The following GPR84 variants were observed in gnomAD, a reference collection of about 807,000 sequenced individuals.
GPR84 encodes G protein-coupled receptor 84.
A neutral mutation model predicts 14.9 loss-of-function variants in GPR84; 8 were observed. That is an observed-to-expected ratio of 0.54 (90% CI 0.31 to 0.97). The LOEUF (loss-of-function observed/expected upper bound fraction) is 0.97, where lower values mean the gene tolerates loss of function less well. Among genes scored for constraint, GPR84 ranks in the 50% least tolerant of loss-of-function variants. GPR84 has a pLI of 0.04. For missense variants in GPR84, 424 were observed against 498.7 expected, an observed-to-expected ratio of 0.85 and a Z score of 1.43; for synonymous variants, 164 against 198.1, an observed-to-expected ratio of 0.83 and a Z score of 1.45.
chr12:54,361,050 C>CTT (rs1449010396), downstream of GPR84, among the ~76,000 whole-genome samples: 7 of 152,138 alleles, frequency 4.6e-5, no homozygotes. The surrounding 1 kb of genome is among the most constrained non-coding windows in gnomAD (Gnocchi z 4.3). Context: ...GCCACAGGTG[C>CTT]TTTAAGGATG....
chr12:54,357,093 G>C, the GPR84 span, among the ~76,000 whole-genome samples: 3 of 152,086 alleles, frequency 2.0e-5, no homozygotes, highest in Non-Finnish European at 2.9e-5. Flanking sequence ...TGAGTGTCTG[G>C]GTACTTAGCT....
At chr12:54,356,055 A>G in the GPR84 span, among the ~76,000 whole-genome samples, 3 of 152,184 alleles carry the variant, frequency 2.0e-5, 1 homozygote, top group Non-Finnish European at 4.4e-5. Flanking sequence ...GGATTTGGAA[A>G]CTAGAGGCAA....
At chr12:54,357,208 T>C in the GPR84 span, among the ~76,000 whole-genome samples, 1 of 152,162 alleles carries the variant, frequency 6.6e-6, no homozygotes. Flanking sequence ...TAAGTGGCTC[T>C]TAAAGGGCCA....
rs745592286 is a variant in GPR84, at chr12:54,363,587, C to G, written c.265G>C (p.Gly89Arg). 6 of 1,613,838 alleles carry G rather than the reference C, an allele frequency of 3.7e-6. No individual in the cohort carries two copies. The highest frequency in any genetic ancestry group is 5.1e-6 in the Non-Finnish European group (6 of 1,179,830). Residue 89 changes from glycine (G) to arginine (R), a missense_variant, in exon 2 of 2, where the codon GGT becomes CGT. Physicochemically the swap from Gly to Arg is moderately radical, Grantham distance 125. Transcript: ENST00000267015. ...DTYLHLHWRTGATFCRVFGLL... is the reference protein window; with the variant it reads ...DTYLHLHWRTRATFCRVFGLL... ...CCAAATACCCTGCAGAAGGTGGCAC[C>G]GGTGCGCCAGTGCAGGTGGAGGTAG...
At chr12:54,355,353 T>TGTGTGC in the GPR84 span, among the ~76,000 whole-genome samples, 290 of 151,534 alleles carry the variant, frequency 1.9e-3, 1 homozygote, top group African/African-American at 6.6e-3. Flanking sequence ...TGTGTGTGTG[T>TGTGTGC]GCGCATGGCA....
In GPR84 at chr12:54,362,997, C is replaced by A. The variant is rs762574040; in HGVS notation, c.855G>T (p.Gln285His). Residue 285 changes from glutamine (Q) to histidine (H), a missense_variant, in exon 2 of 2, where the codon CAG becomes CAT. Gln to His is a conservative substitution (Grantham distance 24). Transcript: ENST00000267015. The surrounding 1 kb of genome is among the most constrained non-coding windows in gnomAD (Gnocchi z 4.0). Reference sequence around the variant, plus strand: ...CTTCTGGAGGGCTTTTCTCTGCCATCTGCTTAGCTCTCTTGCTGTTGATCT... The same window carrying A: ...CTTCTGGAGGGCTTTTCTCTGCCATATGCTTAGCTCTCTTGCTGTTGATCT... ...GDQINSKRAK[Q>H]MAEKSPPEAS... 6.2e-7 allele frequency: 1 copy of A among 1,614,230 alleles called. No individual in the cohort carries two copies. The highest frequency in any genetic ancestry group is 8.5e-7 in the Non-Finnish European group (1 of 1,180,040).
downstream of GPR84, among the ~76,000 whole-genome samples, chr12:54,359,579 G>C (rs4758961): frequency 1 from 151,653 of 152,252 alleles, 75,534 homozygotes; most frequent in Middle Eastern, 1. Flanking sequence ...AGAAAGTCAG[G>C]GATAGAGCTC....
chr12:54,355,404 A>AC, the GPR84 span, among the ~76,000 whole-genome samples: 1 of 150,504 alleles, frequency 6.6e-6, no homozygotes, highest in African/African-American at 2.4e-5. Context: ...GATGATTTCC[A>AC]CAATATTTTT....
the GPR84 span, among the ~76,000 whole-genome samples, chr12:54,355,353 T>TGTGTGTGTGCGC: frequency 2.0e-4 from 30 of 151,536 alleles, no homozygotes; most frequent in African/African-American, 6.5e-4. Context: ...TGTGTGTGTG[T>TGTGTGTGTGCGC]GCGCATGGCA....
the GPR84 span, among the ~76,000 whole-genome samples, chr12:54,355,719 G>A: frequency 6.6e-6 from 1 of 152,110 alleles, no homozygotes; most frequent in Non-Finnish European, 1.5e-5. Flanking sequence ...CCTGCCTGGG[G>A]CCTGGGTCAG....
chr12:54,358,557 C>T (rs1053313180), downstream of GPR84, among the ~76,000 whole-genome samples: 1 of 152,080 alleles, frequency 6.6e-6, no homozygotes, highest in African/African-American at 2.4e-5. Flanking sequence ...GCGCCTTTCT[C>T]TGTCTTTGCT....
At chr12:54,361,594 C>T (rs887140680), downstream of GPR84, among the ~76,000 whole-genome samples, 1 of 152,188 alleles carries the variant, frequency 6.6e-6, no homozygotes, top group Non-Finnish European at 1.5e-5. This position sits in a 1 kb window ranked among gnomAD's most constrained non-coding sequence, Gnocchi z 4.3. Flanking sequence ...TGGTCTCGAA[C>T]TCCTGACCTC....
the GPR84 span, chr12:54,350,703 C>T: frequency 6.5e-6 from 4 of 612,682 alleles, no homozygotes; most frequent in African/African-American, 1.8e-5. Context: ...TATTCTTTTT[C>T]ATTCTTCTTG....
At chr12:54,352,774 G>A in the GPR84 span, among the ~76,000 whole-genome samples, 6 of 152,094 alleles carry the variant, frequency 3.9e-5, no homozygotes, top group Admixed American at 2.6e-4. Context: ...CAACTATGGG[G>A]CACCTGTGCA....
downstream of GPR84, among the ~76,000 whole-genome samples, chr12:54,358,460 G>T (rs1393592296): frequency 6.6e-6 from 1 of 152,078 alleles, no homozygotes; most frequent in African/African-American, 2.4e-5. Context: ...TTTCCCATTA[G>T]TTCTCTGTCG....
intron 1 of GPR84, 136 bp from the exon 2 acceptor site, chr12:54,363,995 T>G: frequency 1.8e-6 from 1 of 549,422 alleles, no homozygotes; most frequent in South Asian, 3.0e-5. Context: ...TCCTGAACCA[T>G]TCCCAGGCCT....
downstream of GPR84, among the ~76,000 whole-genome samples, chr12:54,357,540 C>A (rs914385089): frequency 3.3e-5 from 5 of 152,170 alleles, no homozygotes; most frequent in African/African-American, 9.7e-5. Flanking sequence ...TTCCTGGAGG[C>A]CCAGAGCAAG....
Position 54,362,478 on chromosome 12 carries a change from T to C in GPR84, c.*183A>G. On this transcript the variant is annotated 3_prime_UTR_variant, in exon 2 of 2. Coordinates refer to ENST00000267015, the MANE Select transcript of GPR84 (RefSeq NM_020370.3). The surrounding 1 kb of genome is among the most constrained non-coding windows in gnomAD (Gnocchi z 4.0). Reference sequence around the variant, plus strand: ...ACAGAATTCATTTATTAATAATTAATAATACTCCTTGGGCAGTCTAGGGCT... The same window carrying C: ...ACAGAATTCATTTATTAATAATTAACAATACTCCTTGGGCAGTCTAGGGCT... 5.2e-6 allele frequency: 3 copies of C among 573,340 alleles called. No homozygotes were observed. Among genetic ancestry groups the C allele is most frequent in the Admixed American group, 3.0e-5 (1 of 33,462 alleles). The allele number at this position is 573,340 out of a possible 1,614,324, so 35.5% of individuals were successfully genotyped here.
the GPR84 span, among the ~76,000 whole-genome samples, chr12:54,356,770 T>C: frequency 6.6e-6 from 1 of 152,238 alleles, no homozygotes; most frequent in Admixed American, 6.5e-5. Flanking sequence ...CACCCGGGTC[T>C]GGTGAGGGAA....
Sources: gnomAD v4.1 joint callset for allele counts (sites outside exome capture counted in the v4.1 genomes callset) on GRCh38, gnomAD v4.1.1 for gene constraint, Gnocchi (gnomAD v3.1) non-coding constraint, MANE v1.5 for transcripts, NCBI Gene and HGNC (gene_info 2026-07-23, HGNC 2026-07-21) for gene names.